The following GALNT1 variants were observed in gnomAD, a reference collection of about 807,000 sequenced individuals.
GALNT1 encodes the protein GalNAc transferase 1.
A neutral mutation model predicts 65.7 loss-of-function variants in GALNT1; 17 were observed. The ratio of observed to expected loss-of-function variants is 0.26; its 90% CI spans 0.18 to 0.39. GALNT1 has a LOEUF of 0.39. Ranked by LOEUF, GALNT1 falls within the 10% of genes least tolerant of loss-of-function variation. The probability of loss-of-function intolerance (pLI) is 1.00; values close to 1 mark genes in which losing one functional copy is unlikely to be tolerated. For missense variants in GALNT1, 460 were observed against 672.8 expected (o/e 0.68, Z 3.50); for synonymous variants, 210 against 219.7 (o/e 0.96, Z 0.39).
intron 1 of GALNT1, among the ~76,000 whole-genome samples, chr18:35,639,261 A>G (rs1717284657): frequency 6.6e-6 from 1 of 152,230 alleles, no homozygotes. Context: ...CAGCCACTCC[A>G]GCAGCCACCA....
chr18:35,586,906 G>T (rs1457794816), intron 1 of GALNT1, among the ~76,000 whole-genome samples: 4 of 152,134 alleles, frequency 2.6e-5, no homozygotes, highest in African/African-American at 4.8e-5. Context: ...CAGTAGACCT[G>T]TATCAGTATG....
intron 1 of GALNT1, among the ~76,000 whole-genome samples, chr18:35,638,816 A>T (rs1391583290): frequency 6.6e-6 from 1 of 152,186 alleles, no homozygotes; most frequent in Non-Finnish European, 1.5e-5. Context: ...GATTCATGGG[A>T]GGAGGTCAAA....
intron 3 of GALNT1, among the ~76,000 whole-genome samples, chr18:35,669,004 G>A (rs1208049633): frequency 3.9e-5 from 6 of 152,204 alleles, no homozygotes; most frequent in Admixed American, 2.0e-4. Context: ...CACTATGGGA[G>A]GCCGAGGTGG....
intron 1 of GALNT1, among the ~76,000 whole-genome samples, chr18:35,616,299 A>G (rs1371250530): frequency 6.6e-6 from 1 of 152,148 alleles, no homozygotes; most frequent in Non-Finnish European, 1.5e-5. Context: ...CGCTGGCCAA[A>G]TTACCTAACT....
chr18:35,620,418 G>C (rs1247268564), intron 1 of GALNT1, among the ~76,000 whole-genome samples: 2 of 152,132 alleles, frequency 1.3e-5, no homozygotes, highest in African/African-American at 4.8e-5. Context: ...TGTAAAAAAA[G>C]AAGAGGAAAC....
At chr18:35,696,424 G>T (rs1187675028) in intron 9 of GALNT1, among the ~76,000 whole-genome samples, 1 of 152,218 alleles carries the variant, frequency 6.6e-6, no homozygotes, top group Non-Finnish European at 1.5e-5. Context: ...AGGGCATCTG[G>T]CTTCAGCTAA....
Position 35,711,002 on chromosome 18 carries a change from A to AT in GALNT1, c.*1238dup, listed in dbSNP as rs1319159548. 6.6e-6 allele frequency: 1 copy of AT among 152,528 alleles called. No homozygotes were observed. The highest frequency in any genetic ancestry group is 1.5e-5 in the Non-Finnish European group (1 of 68,012). 9.4% of individuals were successfully genotyped at this position (152,528 alleles called of 1,614,324 possible). The stretch of plus-strand genomic sequence containing the variant: ...ATTTGACTGAAAATGTTTAATTGGC[A>AT]TTTTTTAATGACTTAGCCAAAGAAG... On this transcript the variant is annotated 3_prime_UTR_variant, in exon 12 of 12. Transcript: ENST00000269195.
intron 9 of GALNT1, 72 bp downstream of exon 9, chr18:35,692,392 T>TTAGTTAA: frequency 1.0e-6 from 1 of 958,088 alleles, no homozygotes; most frequent in Non-Finnish European, 1.4e-6. Context: ...AAAATAGGAG[T>TTAGTTAA]TAGTTAAACT....
At chr18:35,689,609 T>C (rs1305484192) in intron 7 of GALNT1, among the ~76,000 whole-genome samples, 5 of 152,140 alleles carry the variant, frequency 3.3e-5, no homozygotes, top group African/African-American at 9.7e-5. Flanking sequence ...TTTGCTGCTT[T>C]ACTCTCAAAA....
Position 35,612,231 on chromosome 18 carries a change from A to C in GALNT1, c.-104+30369A>C, listed in dbSNP as rs2046726772. On this transcript the variant is annotated intron_variant, in intron 1 of 11. Coordinates refer to ENST00000269195, the MANE Select transcript of GALNT1 (RefSeq NM_020474.4). ...TTTAATAACTTCACACATGATTCTT[A>C]TGAAAAGAGAAAAAACCTGTTTTAA... 2.6e-5 allele frequency among the ~76,000 whole-genome samples: 4 copies of C among 152,214 alleles called. No individual in the cohort carries two copies. In the South Asian group the frequency reaches 8.3e-4, roughly 32 times the overall value.
chr18:35,598,045 T>TC (rs2046529532), intron 1 of GALNT1, among the ~76,000 whole-genome samples: 1 of 56,768 alleles, frequency 1.8e-5, no homozygotes, highest in Non-Finnish European at 3.2e-5. Flanking sequence ...TCCCCTCCCC[T>TC]CCCTTCTCTT....
chr18:35,618,186 T>C (rs1242366320), intron 1 of GALNT1, among the ~76,000 whole-genome samples: 1 of 152,194 alleles, frequency 6.6e-6, no homozygotes, highest in Non-Finnish European at 1.5e-5. Flanking sequence ...AAAATAATTT[T>C]ACATCATTTT....
chr18:35,629,337 A>C (rs563885080), intron 1 of GALNT1, among the ~76,000 whole-genome samples: 8 of 152,246 alleles, frequency 5.3e-5, no homozygotes, highest in Non-Finnish European at 1.0e-4. Context: ...GTTACCCACA[A>C]AGGGAATCCC....
chr18:35,581,849 G>GC lies in GALNT1; in HGVS notation c.-116dup, dbSNP rs1568009897. Reference sequence around the variant, plus strand: ...GAGGACGCCTGCCGCCGCCGCCGCCGCGCGCCTAGCGAGGTGAGTGTATCG... The same window carrying GC: ...GAGGACGCCTGCCGCCGCCGCCGCCGCCGCGCCTAGCGAGGTGAGTGTATCG... On this transcript the variant is annotated 5_prime_UTR_variant, in exon 1 of 12. Coordinates refer to ENST00000269195, the MANE Select transcript of GALNT1 (RefSeq NM_020474.4). 5 of 93,112 alleles carry GC rather than the reference G, an allele frequency of 5.4e-5. No individual in the cohort carries two copies. Among genetic ancestry groups the GC allele is most frequent in the Non-Finnish European group, 8.9e-5 (4 of 45,192 alleles). The allele number at this position is 93,112 out of a possible 1,614,324, so 5.8% of individuals were successfully genotyped here.
intron 3 of GALNT1, among the ~76,000 whole-genome samples, chr18:35,668,220 C>T (rs753535087): frequency 8.6e-5 from 13 of 151,816 alleles, no homozygotes; most frequent in South Asian, 2.1e-4. Flanking sequence ...GAAATAAAAA[C>T]GTACAGTAGA....
intron 1 of GALNT1, among the ~76,000 whole-genome samples, chr18:35,640,174 C>G (rs2047142770): frequency 6.6e-6 from 1 of 152,148 alleles, no homozygotes; most frequent in Non-Finnish European, 1.5e-5. Context: ...CTACTACATT[C>G]TTTTTTTGCC....
intron 9 of GALNT1, among the ~76,000 whole-genome samples, chr18:35,702,019 A>G (rs528876595): frequency 6.6e-6 from 1 of 152,294 alleles, no homozygotes; most frequent in African/African-American, 2.4e-5. Flanking sequence ...CCTGATCTCA[A>G]AAGGTTTAGG....
intron 11 of GALNT1, among the ~76,000 whole-genome samples, chr18:35,705,969 G>A (rs2048251504): frequency 6.6e-6 from 1 of 152,136 alleles, no homozygotes; most frequent in Non-Finnish European, 1.5e-5. Flanking sequence ...CAAAGTAAAA[G>A]GTTTTTCTGG....
intron 3 of GALNT1, among the ~76,000 whole-genome samples, chr18:35,668,078 T>A (rs898869870): frequency 6.6e-6 from 1 of 152,216 alleles, no homozygotes; most frequent in Non-Finnish European, 1.5e-5. Flanking sequence ...AATATATACC[T>A]TTAAATGCAT....
Sources: gnomAD v4.1 joint callset for allele counts (sites outside exome capture counted in the v4.1 genomes callset) on GRCh38, gnomAD v4.1.1 for gene constraint, MANE v1.5 for transcripts, NCBI Gene and HGNC (gene_info 2026-07-23, HGNC 2026-07-21) for gene names.